RPS6KC1: variants seen among roughly 807,000 people sequenced by gnomAD.
The protein encoded by RPS6KC1 is ribosomal protein S6 kinase C1, also known as inactive ribosomal protein S6 kinase delta-1.
A neutral mutation model predicts 103.8 loss-of-function variants in RPS6KC1; 54 were observed. The observed-to-expected ratio is 0.52, with a 90% CI of 0.42 to 0.65. The LOEUF (loss-of-function observed/expected upper bound fraction) is 0.65. Among genes scored for constraint, RPS6KC1 ranks in the 30% least tolerant of loss-of-function variants. RPS6KC1 has a pLI of 0.00. For missense variants in RPS6KC1, 1,151 were observed against 1,253.8 expected (o/e 0.92, Z 1.24); for synonymous variants, 439 against 438.7 (o/e 1.00, Z -0.01).
chr1:213,494,355 TTC>T, the RPS6KC1 span, among the ~76,000 whole-genome samples: 11 of 152,168 alleles, frequency 7.2e-5, no homozygotes, highest in African/African-American at 2.6e-4. Context: ...ATTCAAAAAA[TTC>T]TTTGATGTTT....
chr1:213,756,016 C>T, the RPS6KC1 span, among the ~76,000 whole-genome samples: 1 of 152,210 alleles, frequency 6.6e-6, no homozygotes, highest in African/African-American at 2.4e-5. Context: ...CCAATCACCA[C>T]CGCTGGGCTT....
At chr1:213,363,810 C>CTTT in the RPS6KC1 span, among the ~76,000 whole-genome samples, 1 of 43,566 alleles carries the variant, frequency 2.3e-5, no homozygotes, top group African/African-American at 1.1e-4. Flanking sequence ...TTCTTTCTTT[C>CTTT]TTTCTTCTCT....
the RPS6KC1 span, among the ~76,000 whole-genome samples, chr1:213,626,531 G>T: frequency 6.6e-6 from 1 of 152,154 alleles, no homozygotes; most frequent in African/African-American, 2.4e-5. Flanking sequence ...TATTGCCTAG[G>T]TTTTCTTCTA....
chr1:213,636,146 A>G, the RPS6KC1 span, among the ~76,000 whole-genome samples: 1 of 152,238 alleles, frequency 6.6e-6, no homozygotes, highest in Admixed American at 6.5e-5. Flanking sequence ...AGAACGTTCC[A>G]TGCTTATGGA....
the RPS6KC1 span, among the ~76,000 whole-genome samples, chr1:213,303,322 C>T: frequency 6.6e-6 from 1 of 152,180 alleles, no homozygotes; most frequent in African/African-American, 2.4e-5. Flanking sequence ...GCTGGTATTC[C>T]CTCCAAGATT....
the RPS6KC1 span, among the ~76,000 whole-genome samples, chr1:213,373,154 T>C: frequency 6.6e-6 from 1 of 152,110 alleles, no homozygotes; most frequent in East Asian, 1.9e-4. Context: ...TCCACTGAGG[T>C]CAAAAAGGAG....
At chr1:213,566,437 G>GTTTTTTTTTTTTTTT in the RPS6KC1 span, among the ~76,000 whole-genome samples, 15 of 48,518 alleles carry the variant, frequency 3.1e-4, no homozygotes, top group Non-Finnish European at 4.8e-4. Flanking sequence ...TCAGCCTTTA[G>GTTTTTTTTTTTTTTT]TTTTTTTTTT....
the RPS6KC1 span, among the ~76,000 whole-genome samples, chr1:213,682,277 T>G: frequency 6.6e-6 from 1 of 152,222 alleles, no homozygotes; most frequent in Non-Finnish European, 1.5e-5. Context: ...TTTTGTAATT[T>G]TTTTCACATT....
chr1:213,273,127 CAT>C lies in RPS6KC1; in HGVS notation c.*495_*496del, dbSNP rs2095081218. ...TAAAAGCGAGAAAAAAGAATATACA[CAT>C]AATTTCTGACGGAAAACCTGTACCC... On this transcript the variant is annotated 3_prime_UTR_variant, in exon 15 of 15. Coordinates refer to ENST00000366960, the MANE Select transcript of RPS6KC1 (RefSeq NM_012424.6). 1 of 155,344 alleles carries C rather than the reference CAT, an allele frequency of 6.4e-6. No homozygotes were observed. Among genetic ancestry groups the C allele is most frequent in the South Asian group, 2.0e-4 (1 of 5,070 alleles). 9.6% of individuals were successfully genotyped at this position (155,344 alleles called of 1,614,324 possible).
At chr1:213,684,039 T>C in the RPS6KC1 span, among the ~76,000 whole-genome samples, 9 of 152,254 alleles carry the variant, frequency 5.9e-5, no homozygotes, top group South Asian at 1.9e-3. Flanking sequence ...GGTTGCTACA[T>C]ATTAGATTTT....
chr1:213,563,514 T>C, the RPS6KC1 span, among the ~76,000 whole-genome samples: 1 of 33,858 alleles, frequency 3.0e-5, no homozygotes, highest in South Asian at 1.4e-3. Context: ...TGGTTAAACT[T>C]TTTTTCTTTT....
the RPS6KC1 span, among the ~76,000 whole-genome samples, chr1:213,358,786 T>G: frequency 6.6e-6 from 1 of 152,234 alleles, no homozygotes; most frequent in African/African-American, 2.4e-5. Flanking sequence ...AAAGAACATC[T>G]TTATTTCTGC....
chr1:213,453,383 G>A, the RPS6KC1 span, among the ~76,000 whole-genome samples: 10 of 152,090 alleles, frequency 6.6e-5, no homozygotes, highest in Admixed American at 6.6e-4. Context: ...GGAGCAGGCT[G>A]TTCCAGGATC....
chr1:213,184,985 A>AGTGCT (rs2092456021), intron 8 of RPS6KC1, among the ~76,000 whole-genome samples: 1 of 152,180 alleles, frequency 6.6e-6, no homozygotes, highest in Non-Finnish European at 1.5e-5. Context: ...ATATTCTGAA[A>AGTGCT]ATGTCAGTAG....
the RPS6KC1 span, among the ~76,000 whole-genome samples, chr1:213,510,511 G>T: frequency 2.0e-5 from 3 of 152,108 alleles, no homozygotes; most frequent in Non-Finnish European, 2.9e-5. Flanking sequence ...CAAATCATAG[G>T]CTATAACGGG....
At chr1:213,128,635 T>C (rs1042570306) in intron 5 of RPS6KC1, among the ~76,000 whole-genome samples, 3 of 152,290 alleles carry the variant, frequency 2.0e-5, no homozygotes, top group South Asian at 2.1e-4. Flanking sequence ...GGTGGAAATA[T>C]ACCTTTCCAG....
the RPS6KC1 span, among the ~76,000 whole-genome samples, chr1:213,334,209 A>G: frequency 5.3e-5 from 8 of 152,198 alleles, no homozygotes; most frequent in African/African-American, 7.2e-5. Context: ...AGTACAGTCT[A>G]TCATCTTCCT....
chr1:213,214,817 C>T (rs913480661), intron 8 of RPS6KC1, among the ~76,000 whole-genome samples: 39 of 152,184 alleles, frequency 2.6e-4, no homozygotes, highest in African/African-American at 8.2e-4. Context: ...GCTGAGGGTC[C>T]TGACTGTTAG....
At chr1:213,174,692 AG>A (rs2091746603) in intron 7 of RPS6KC1, among the ~76,000 whole-genome samples, 1 of 150,938 alleles carries the variant, frequency 6.6e-6, no homozygotes, top group Non-Finnish European at 1.5e-5. Flanking sequence ...AAAAAAAAAA[AG>A]AGGTTATTGC....
Sources: gnomAD v4.1 joint callset for allele counts (sites outside exome capture counted in the v4.1 genomes callset) on GRCh38, gnomAD v4.1.1 for gene constraint, MANE v1.5 for transcripts, NCBI Gene and HGNC (gene_info 2026-07-23, HGNC 2026-07-21) for gene names.